Variants in CTNNA2 observed in about 807,000 individuals in gnomAD.
CTNNA2 encodes catenin alpha-2.
A neutral mutation model predicts 101.0 loss-of-function variants in CTNNA2; 42 were observed. That is an observed-to-expected ratio of 0.42 (90% confidence interval 0.32 to 0.54). The LOEUF is 0.54. CTNNA2 is among the 20% of genes least tolerant of loss of function. CTNNA2 has a pLI of 0.14. For synonymous variants in CTNNA2, 450 were observed against 456.4 expected (o/e 0.99, Z 0.18); for missense variants, 871 against 1,223.1 (o/e 0.71, Z 4.29).
chr2:80,209,635 C>T lies in CTNNA2; in HGVS notation c.1057-183576C>T, dbSNP rs115739471. Among the ~76,000 whole-genome samples the T allele has an allele frequency of 5.7e-3, 874 of 152,040 alleles. 7 individuals carry two copies. The highest frequency in any genetic ancestry group is 0.02 in the African/African-American group (810 of 41,486). On this transcript the variant is annotated intron_variant, in intron 7 of 18. Coordinates refer to ENST00000402739, the MANE Select transcript of CTNNA2 (RefSeq NM_001282597.3). ...CACACACACACACAGACACACCACACGCACACACATACTAAAAACAGCATG... is the reference window on the plus strand; with the variant it reads ...CACACACACACACAGACACACCACATGCACACACATACTAAAAACAGCATG...
intron 18 of CTNNA2, among the ~76,000 whole-genome samples, chr2:80,643,713 T>C (rs533838777): frequency 3.2e-4 from 48 of 152,260 alleles, no homozygotes; most frequent in African/African-American, 5.8e-4. Context: ...TAAGAGTAGC[T>C]GAGCCCTGCC....
intron 9 of CTNNA2, among the ~76,000 whole-genome samples, chr2:80,470,106 A>G (rs1572968706): frequency 6.6e-6 from 1 of 152,188 alleles, no homozygotes; most frequent in East Asian, 1.9e-4. Context: ...GCTCATTCAG[A>G]GCCCACATCC....
At chr2:80,097,838 C>T (rs929886115) in intron 7 of CTNNA2, among the ~76,000 whole-genome samples, 1 of 152,214 alleles carries the variant, frequency 6.6e-6, no homozygotes, top group Non-Finnish European at 1.5e-5. Flanking sequence ...AGTTCTCGTG[C>T]CATGGTTTTC....
At chr2:80,186,728 T>C (rs1224370490) in intron 7 of CTNNA2, among the ~76,000 whole-genome samples, 3 of 152,258 alleles carry the variant, frequency 2.0e-5, no homozygotes, top group Non-Finnish European at 4.4e-5. Flanking sequence ...ATAGTTCTTA[T>C]GAGTTAAATT....
chr2:80,312,614 C>T (rs1677698115), intron 7 of CTNNA2, among the ~76,000 whole-genome samples: 1 of 152,226 alleles, frequency 6.6e-6, no homozygotes, highest in South Asian at 2.1e-4. Context: ...GCTGAACCTA[C>T]TGACGTACTG....
chr2:79,268,304 G>C (rs975243859), intron 2 of CTNNA2, among the ~76,000 whole-genome samples: 1 of 152,084 alleles, frequency 6.6e-6, no homozygotes, highest in African/African-American at 2.4e-5. Context: ...CTGTGGCGAT[G>C]GCTAAGAGGC....
At chr2:80,357,523 C>T (rs552730373) in intron 7 of CTNNA2, among the ~76,000 whole-genome samples, 1 of 151,948 alleles carries the variant, frequency 6.6e-6, no homozygotes, top group African/African-American at 2.4e-5. Flanking sequence ...ATGGACAGAC[C>T]GAATTGACAG....
chr2:79,945,750 A>G (rs544412240), intron 7 of CTNNA2, among the ~76,000 whole-genome samples: 1 of 152,326 alleles, frequency 6.6e-6, no homozygotes, highest in East Asian at 1.9e-4. Context: ...GAGATTCTAG[A>G]GAAATTAATT....
intron 9 of CTNNA2, among the ~76,000 whole-genome samples, chr2:80,445,541 A>G (rs949658440): frequency 3.9e-5 from 6 of 152,188 alleles, no homozygotes; most frequent in Admixed American, 3.9e-4. Context: ...ATGGTTCTCA[A>G]ACTTTCCTGT....
chr2:79,913,886 G>A (rs1280136018), intron 7 of CTNNA2, among the ~76,000 whole-genome samples: 1 of 152,128 alleles, frequency 6.6e-6, no homozygotes, highest in Non-Finnish European at 1.5e-5. Context: ...AGCTTACTTG[G>A]GCCGGGCACG....
At chr2:79,783,249 T>A (rs994984) in intron 3 of CTNNA2, among the ~76,000 whole-genome samples, 1 of 151,776 alleles carries the variant, frequency 6.6e-6, no homozygotes. Flanking sequence ...TCTTAGAGAG[T>A]TTTCTAGTTA....
chr2:79,790,283 CA>C (rs1675169934), intron 3 of CTNNA2, among the ~76,000 whole-genome samples: 1 of 152,070 alleles, frequency 6.6e-6, no homozygotes, highest in Non-Finnish European at 1.5e-5. Context: ...CAAATGGTGT[CA>C]GAGAAACCAG....
intron 3 of CTNNA2, among the ~76,000 whole-genome samples, chr2:79,820,953 A>G (rs1363294709): frequency 6.6e-6 from 1 of 152,158 alleles, no homozygotes; most frequent in Admixed American, 6.5e-5. Flanking sequence ...ATTTCCTGGA[A>G]TGCTTGGTTC....
At chr2:79,488,295 G>T (rs1219096715) in intron 4 of CTNNA2, among the ~76,000 whole-genome samples, 2 of 124,442 alleles carry the variant, frequency 1.6e-5, no homozygotes, top group Non-Finnish European at 3.3e-5. Context: ...TCCAGCCTGG[G>T]CAACAAGAGT....
intron 3 of CTNNA2, among the ~76,000 whole-genome samples, chr2:79,820,594 T>A (rs1677923600): frequency 6.6e-6 from 1 of 152,196 alleles, no homozygotes; most frequent in Non-Finnish European, 1.5e-5. Context: ...TGTATGCATA[T>A]ATGCACTCAA....
chr2:79,763,531 C>T lies in CTNNA2; in HGVS notation c.298+18949C>T, dbSNP rs13423641. On this transcript the variant is annotated intron_variant, in intron 3 of 18. Transcript: ENST00000402739. Reference sequence around the variant, plus strand: ...TTCTCTTTTATTTCAAAGGGCATTGCAAGGTAGAAGGTAGAGTATTATTAT... The same window carrying T: ...TTCTCTTTTATTTCAAAGGGCATTGTAAGGTAGAAGGTAGAGTATTATTAT... Among the ~76,000 whole-genome samples, 1,025 of 152,210 alleles carry T rather than the reference C, an allele frequency of 6.7e-3. 2 individuals are homozygous for T. Among genetic ancestry groups the T allele is most frequent in the Non-Finnish European group, 0.011 (758 of 68,008 alleles).
At chr2:80,075,715 AAAT>A (rs1391346432) in intron 7 of CTNNA2, among the ~76,000 whole-genome samples, 5 of 88,076 alleles carry the variant, frequency 5.7e-5, no homozygotes, top group Non-Finnish European at 1.1e-4. Flanking sequence ...AATATTATAA[AAAT>A]AATATTTATA....
chr2:79,669,382 G>A (rs959577072), intron 2 of CTNNA2, among the ~76,000 whole-genome samples: 2 of 152,148 alleles, frequency 1.3e-5, no homozygotes, highest in Non-Finnish European at 2.9e-5. Context: ...TTAAAGTTAC[G>A]AGACCTCTGG....
At chr2:80,040,013 C>A (rs571366756) in intron 7 of CTNNA2, among the ~76,000 whole-genome samples, 1 of 152,038 alleles carries the variant, frequency 6.6e-6, no homozygotes, top group Non-Finnish European at 1.5e-5. Context: ...AAAAATAAAA[C>A]GTAAAAATTA....
Sources: allele counts gnomAD v4.1 joint callset (sites outside exome capture counted in the v4.1 genomes callset), GRCh38; gene constraint gnomAD v4.1.1; transcripts MANE v1.5; gene names NCBI Gene and HGNC (gene_info 2026-07-23, HGNC 2026-07-21).